FBXW7: variants seen among roughly 807,000 people sequenced by gnomAD.
FBXW7 encodes F-box and WD repeat domain containing 7.
In FBXW7, 11 loss-of-function variants were observed where a neutral mutation model predicts 86.3. That is an observed-to-expected ratio of 0.13 (90% CI 0.08 to 0.21). FBXW7 has a LOEUF of 0.21. FBXW7 is among the 10% of genes least tolerant of loss of function. FBXW7 has a pLI of 1.00. For missense variants in FBXW7, 488 were observed against 847.4 expected (o/e 0.58, Z 5.27); for synonymous variants, 313 against 297.9 (o/e 1.05, Z -0.52).
At chr4:152,376,799 T>C (rs934537290) in intron 4 of FBXW7, among the ~76,000 whole-genome samples, 9 of 152,054 alleles carry the variant, frequency 5.9e-5, no homozygotes, top group Admixed American at 2.0e-4. Context: ...CTGTTCTCAG[T>C]TGCCTGACCC....
intron 2 of FBXW7, among the ~76,000 whole-genome samples, chr4:152,423,926 G>A (rs1579161727): frequency 1.3e-5 from 2 of 152,280 alleles, no homozygotes; most frequent in East Asian, 3.9e-4. Flanking sequence ...TTTTCTCAGA[G>A]TATGCTGTAT....
At chr4:152,413,180 CAACA>C (rs1738128707) in intron 2 of FBXW7, among the ~76,000 whole-genome samples, 1 of 152,036 alleles carries the variant, frequency 6.6e-6, no homozygotes, top group South Asian at 2.1e-4. Context: ...ACACAAACAT[CAACA>C]AACAGAAGCC....
chr4:152,349,822 C>T (rs1486925345), intron 5 of FBXW7, among the ~76,000 whole-genome samples: 2 of 151,702 alleles, frequency 1.3e-5, no homozygotes, highest in Non-Finnish European at 3.0e-5. Flanking sequence ...ATAATTTCTG[C>T]TTGTGTCCTA....
intron 10 of FBXW7, chr4:152,328,604 G>A (rs1729273477): frequency 2.7e-6 from 1 of 373,490 alleles, no homozygotes; most frequent in Non-Finnish European, 4.8e-6. Context: ...AATTGTGTAT[G>A]TAGTATGTAG....
At chr4:152,354,386 G>A (rs2126671832) in intron 4 of FBXW7, among the ~76,000 whole-genome samples, 1 of 152,120 alleles carries the variant, frequency 6.6e-6, no homozygotes. Context: ...AAACTCTTTT[G>A]TCAGAAGTTC....
At chr4:152,502,893 A>G (rs1322519646) in intron 2 of FBXW7, among the ~76,000 whole-genome samples, 2 of 152,230 alleles carry the variant, frequency 1.3e-5, no homozygotes, top group East Asian at 1.9e-4. Context: ...CTGCTCTACA[A>G]TCAGAAGAAA....
At chr4:152,324,537 T>C in intron 12 of FBXW7, 143 bp from the exon 13 acceptor site, 2 of 656,820 alleles carry the variant, frequency 3.0e-6, no homozygotes, top group Non-Finnish European at 5.2e-6. Context: ...AAAGTGGCAA[T>C]GAGGATAAAG....
At chr4:152,497,343 CCACACACACACACA>C (rs753468896) in intron 2 of FBXW7, among the ~76,000 whole-genome samples, 10 of 86,948 alleles carry the variant, frequency 1.2e-4, no homozygotes, top group East Asian at 3.6e-4. Flanking sequence ...AAAAAAAAAA[CCACACACACACACA>C]CACACACACA....
chr4:152,369,570 T>G (rs1733823075), intron 4 of FBXW7, among the ~76,000 whole-genome samples: 2 of 152,088 alleles, frequency 1.3e-5, no homozygotes, highest in South Asian at 4.1e-4. Flanking sequence ...TAATAAAGTT[T>G]GTAATAACCT....
chr4:152,534,452 G>A (rs1365313687), intron 2 of FBXW7, among the ~76,000 whole-genome samples: 1 of 152,100 alleles, frequency 6.6e-6, no homozygotes, highest in Non-Finnish European at 1.5e-5. Flanking sequence ...TGTACCAATA[G>A]GTACTGAAAT....
At position 152,367,186 on chromosome 4, in the gene FBXW7, TAATGGGTACAGCA is replaced by T. The variant is rs755472581; in HGVS notation, c.502-17075_502-17063del. ...GAAATATCTAATGTAAATGACAAGTTAATGGGTACAGCAAACCAACATGGCACATGTATACATA... is the reference window on the plus strand; with the variant it reads ...GAAATATCTAATGTAAATGACAAGTTAACCAACATGGCACATGTATACATA... On this transcript the variant is annotated intron_variant, in intron 4 of 13. Transcript: ENST00000281708. Among the ~76,000 whole-genome samples the T allele has an allele frequency of 2.6e-5, 4 of 152,108 alleles. No homozygotes were observed. The East Asian group carries it at 7.7e-4, about 29-fold the overall frequency.
At chr4:152,394,878 T>G (rs1301992082) in intron 4 of FBXW7, among the ~76,000 whole-genome samples, 1 of 152,030 alleles carries the variant, frequency 6.6e-6, no homozygotes. Context: ...GAGCTAGCAT[T>G]TGAAAATCCC....
chr4:152,488,670 G>C (rs1013670799), intron 2 of FBXW7, among the ~76,000 whole-genome samples: 1 of 151,724 alleles, frequency 6.6e-6, no homozygotes, highest in Non-Finnish European at 1.5e-5. Context: ...AAAAATATTC[G>C]CTCCAACTGC....
At chr4:152,530,137 GTA>G (rs1389791667) in intron 2 of FBXW7, 2 of 142,066 alleles carry the variant, frequency 1.4e-5, no homozygotes, top group African/African-American at 2.6e-5. Context: ...ATATATATAC[GTA>G]TATATATGTA....
chr4:152,415,100 G>A (rs915350260), intron 2 of FBXW7, among the ~76,000 whole-genome samples: 3 of 152,126 alleles, frequency 2.0e-5, no homozygotes, highest in African/African-American at 7.2e-5. Context: ...GGAATGCTTA[G>A]AGGAATAAAA....
At chr4:152,518,243 A>G (rs1748689249) in intron 2 of FBXW7, among the ~76,000 whole-genome samples, 1 of 150,586 alleles carries the variant, frequency 6.6e-6, no homozygotes, top group African/African-American at 2.4e-5. Flanking sequence ...CCCGCCTTGG[A>G]CTCCCAATGT....
At chr4:152,406,881 T>C (rs1737467192) in intron 4 of FBXW7, among the ~76,000 whole-genome samples, 2 of 152,162 alleles carry the variant, frequency 1.3e-5, no homozygotes, top group Non-Finnish European at 1.5e-5. Context: ...GTAAAACATA[T>C]ATATAGAGAT....
intron 6 of FBXW7, among the ~76,000 whole-genome samples, chr4:152,344,580 A>T (rs1455940968): frequency 6.6e-6 from 1 of 152,044 alleles, no homozygotes; most frequent in Non-Finnish European, 1.5e-5. Context: ...AATGCATCTA[A>T]AAAAACTATG....
At chr4:152,351,404 T>C (rs1731802517) in intron 4 of FBXW7, among the ~76,000 whole-genome samples, 1 of 152,088 alleles carries the variant, frequency 6.6e-6, no homozygotes, top group Admixed American at 6.6e-5. Flanking sequence ...CCATACCTAC[T>C]GGAAAGAAAT....
Sources: allele counts gnomAD v4.1 joint callset (sites outside exome capture counted in the v4.1 genomes callset), GRCh38; gene constraint gnomAD v4.1.1; transcripts MANE v1.5; gene names NCBI Gene and HGNC (gene_info 2026-07-23, HGNC 2026-07-21).